Variants in PPP1R9A observed in about 807,000 individuals in gnomAD.
PPP1R9A encodes neurabin-1.
Under a neutral mutation model 141.9 loss-of-function variants are expected in PPP1R9A, and 59 were observed. The observed-to-expected ratio is 0.42, with a 90% CI of 0.34 to 0.52. The LOEUF (loss-of-function observed/expected upper bound fraction) is 0.52. Among genes scored for constraint, PPP1R9A ranks in the 20% least tolerant of loss-of-function variants. The pLI is 0.10. For missense variants in PPP1R9A, 1,444 were observed against 1,611.9 expected (o/e 0.90, Z 1.78); for synonymous variants, 500 against 569.7 (o/e 0.88, Z 1.74).
chr7:95,130,346 A>G (rs1824362045), intron 4 of PPP1R9A, among the ~76,000 whole-genome samples: 1 of 152,042 alleles, frequency 6.6e-6, no homozygotes, highest in Non-Finnish European at 1.5e-5. Context: ...TGAGCCTGCA[A>G]GTGCACAAAA....
At chr7:95,179,352 T>C (rs755512151) in intron 5 of PPP1R9A, among the ~76,000 whole-genome samples, 1 of 152,090 alleles carries the variant, frequency 6.6e-6, no homozygotes, top group East Asian at 1.9e-4. Context: ...CACAGTAACA[T>C]TGGCATGCAA....
At chr7:95,139,500 G>A (rs1297840883) in intron 4 of PPP1R9A, among the ~76,000 whole-genome samples, 1 of 152,132 alleles carries the variant, frequency 6.6e-6, no homozygotes, top group Admixed American at 6.6e-5. Context: ...CATGTCTTCT[G>A]AATGAGACTT....
At chr7:95,283,741 A>T (rs1804726730) in intron 16 of PPP1R9A, among the ~76,000 whole-genome samples, 7 of 152,152 alleles carry the variant, frequency 4.6e-5, no homozygotes, top group Admixed American at 3.9e-4. Flanking sequence ...CCCCTCCCTG[A>T]TTATAATTCA....
chr7:95,103,706 C>T (rs1274331852), intron 2 of PPP1R9A, among the ~76,000 whole-genome samples: 3 of 152,118 alleles, frequency 2.0e-5, no homozygotes, highest in Non-Finnish European at 4.4e-5. Context: ...AAACACTAGG[C>T]TTACAATTAG....
intron 2 of PPP1R9A, among the ~76,000 whole-genome samples, chr7:95,100,955 C>T (rs908794787): frequency 6.7e-6 from 1 of 149,446 alleles, no homozygotes; most frequent in Non-Finnish European, 1.5e-5. Flanking sequence ...CGGGTTCACG[C>T]CATTCTCCTG....
intron 2 of PPP1R9A, among the ~76,000 whole-genome samples, chr7:95,080,990 G>C (rs1563209163): frequency 6.6e-6 from 1 of 152,166 alleles, no homozygotes; most frequent in East Asian, 1.9e-4. Flanking sequence ...TTACATATCT[G>C]CTTGTTAACT....
At chr7:95,097,060 C>A (rs955294961) in intron 2 of PPP1R9A, among the ~76,000 whole-genome samples, 1 of 151,174 alleles carries the variant, frequency 6.6e-6, no homozygotes, top group African/African-American at 2.4e-5. Flanking sequence ...CCTTTTTTTT[C>A]CTGTCACCCA....
chr7:95,028,988 T>A (rs1010474914), intron 2 of PPP1R9A, among the ~76,000 whole-genome samples: 3 of 152,126 alleles, frequency 2.0e-5, no homozygotes, highest in Non-Finnish European at 4.4e-5. Context: ...GATTTTTTTT[T>A]AAAGCCAAGG....
chr7:95,288,803 A>C, intron 19 of PPP1R9A, 85 bp downstream of exon 19: 1 of 1,441,964 alleles, frequency 6.9e-7, no homozygotes, highest in South Asian at 1.4e-5. Context: ...AGGTAAGAGC[A>C]TTCTGCATAT....
At chr7:95,179,460 G>C (rs957079901) in intron 5 of PPP1R9A, among the ~76,000 whole-genome samples, 1 of 151,984 alleles carries the variant, frequency 6.6e-6, no homozygotes, top group Non-Finnish European at 1.5e-5. Flanking sequence ...CTGAGAACTG[G>C]AACAAGACAA....
intron 8 of PPP1R9A, among the ~76,000 whole-genome samples, chr7:95,228,622 C>G (rs1423441795): frequency 1.3e-5 from 2 of 152,086 alleles, no homozygotes; most frequent in Non-Finnish European, 2.9e-5. Flanking sequence ...CGCATCATTC[C>G]AACTTTTCAA....
intron 4 of PPP1R9A, among the ~76,000 whole-genome samples, chr7:95,129,643 A>T (rs1386105534): frequency 6.6e-6 from 1 of 152,218 alleles, no homozygotes; most frequent in African/African-American, 2.4e-5. Context: ...AAAATGTGGG[A>T]AAATTTGGAA....
chr7:95,250,606 T>C (rs953900548), intron 10 of PPP1R9A, among the ~76,000 whole-genome samples: 1 of 152,212 alleles, frequency 6.6e-6, no homozygotes. Flanking sequence ...GTAGAATGAC[T>C]GACTATTGGA....
intron 2 of PPP1R9A, among the ~76,000 whole-genome samples, chr7:95,072,211 C>T (rs1813909601): frequency 6.8e-6 from 1 of 145,994 alleles, no homozygotes; most frequent in Admixed American, 7.0e-5. Flanking sequence ...TTATTATAAA[C>T]TCATATTTGT....
chr7:95,224,453 C>A (rs1442075294), intron 7 of PPP1R9A, among the ~76,000 whole-genome samples: 1 of 152,126 alleles, frequency 6.6e-6, no homozygotes, highest in African/African-American at 2.4e-5. Flanking sequence ...GTGTGTTCAT[C>A]ATGGTTGATG....
intron 2 of PPP1R9A, among the ~76,000 whole-genome samples, chr7:95,067,565 T>C (rs961374200): frequency 1.3e-5 from 2 of 152,198 alleles, no homozygotes; most frequent in African/African-American, 2.4e-5. Flanking sequence ...GAGATACTTA[T>C]ATACATGAAG....
At chr7:94,954,337 A>G (rs1796831388) in intron 2 of PPP1R9A, among the ~76,000 whole-genome samples, 3 of 151,970 alleles carry the variant, frequency 2.0e-5, no homozygotes. Context: ...TTTTACTAAT[A>G]TATTTCAAAG....
intron 4 of PPP1R9A, among the ~76,000 whole-genome samples, chr7:95,152,840 T>C (rs956217395): frequency 7.9e-5 from 2 of 25,462 alleles, no homozygotes; most frequent in African/African-American, 5.8e-4. Context: ...GCCACACCCT[T>C]TTTTTTTTTT....
At chr7:95,258,580 A>G (rs906887909) in intron 12 of PPP1R9A, among the ~76,000 whole-genome samples, 1 of 152,190 alleles carries the variant, frequency 6.6e-6, no homozygotes, top group Non-Finnish European at 1.5e-5. Flanking sequence ...AGAGAAACCG[A>G]AAGTTGAAGA....
Sources: allele counts gnomAD v4.1 joint callset (sites outside exome capture counted in the v4.1 genomes callset), GRCh38; gene constraint gnomAD v4.1.1; transcripts MANE v1.5; gene names NCBI Gene and HGNC (gene_info 2026-07-23, HGNC 2026-07-21).